Variants in DTD1 observed in about 807,000 individuals in gnomAD.
DTD1 encodes D-tyrosyl-tRNA deacylase 1 homolog.
In DTD1, 13 loss-of-function variants were observed where a neutral mutation model predicts 25.6. The observed-to-expected ratio is 0.51, with a 90% CI of 0.33 to 0.81. The LOEUF (loss-of-function observed/expected upper bound fraction) is 0.81. DTD1 is among the 30% of genes least tolerant of loss of function. The pLI, the probability that DTD1 is intolerant of heterozygous loss-of-function variation, is 0.02. For synonymous variants in DTD1, 110 were observed against 103.6 expected (o/e 1.06, Z -0.37); for missense variants, 193 against 266.4 (o/e 0.72, Z 1.92).
chr20:18,716,138 A>C (rs34478401), intron 4 of DTD1, among the ~76,000 whole-genome samples: 1 of 152,004 alleles, frequency 6.6e-6, no homozygotes, highest in African/African-American at 2.4e-5. Flanking sequence ...TTTTAGAGCC[A>C]TGTGTGTTTT....
chr20:18,696,961 A>G (rs893116157), intron 4 of DTD1, among the ~76,000 whole-genome samples: 33 of 150,910 alleles, frequency 2.2e-4, no homozygotes, highest in African/African-American at 7.5e-4. Context: ...AGCCAGGTGC[A>G]GTGGCTCATG....
intron 4 of DTD1, among the ~76,000 whole-genome samples, chr20:18,697,353 CAT>C (rs2061082099): frequency 6.6e-6 from 1 of 152,152 alleles, no homozygotes; most frequent in African/African-American, 2.4e-5. Flanking sequence ...CAGATATTCA[CAT>C]GTCCTTCTTA....
At chr20:18,676,568 A>G (rs745441175) in intron 4 of DTD1, among the ~76,000 whole-genome samples, 8 of 152,134 alleles carry the variant, frequency 5.3e-5, no homozygotes, top group Non-Finnish European at 1.0e-4. Context: ...TAAATTGGAA[A>G]ATTGACGGTT....
intron 4 of DTD1, among the ~76,000 whole-genome samples, chr20:18,714,259 A>G (rs945884906): frequency 6.6e-6 from 1 of 152,188 alleles, no homozygotes; most frequent in Non-Finnish European, 1.5e-5. Flanking sequence ...TTTGGACCAA[A>G]TAACCTTTTT....
intron 3 of DTD1, among the ~76,000 whole-genome samples, chr20:18,615,756 G>C (rs150356217): frequency 6.6e-6 from 1 of 152,258 alleles, no homozygotes; most frequent in East Asian, 1.9e-4. Flanking sequence ...CTGATTTGTT[G>C]TGGGCATCTA....
chr20:18,696,236 G>A (rs1055963246), intron 4 of DTD1, among the ~76,000 whole-genome samples: 8 of 152,006 alleles, frequency 5.3e-5, no homozygotes, highest in South Asian at 4.2e-4. Context: ...CTGCCTGTGC[G>A]TATTCCCCCA....
intron 4 of DTD1, among the ~76,000 whole-genome samples, chr20:18,636,008 T>C (rs1193246499): frequency 6.6e-6 from 1 of 152,212 alleles, no homozygotes; most frequent in African/African-American, 2.4e-5. Flanking sequence ...CAGAGCAAAA[T>C]ATCTGTTTTG....
At chr20:18,598,138 C>T (rs568355435) in intron 3 of DTD1, among the ~76,000 whole-genome samples, 42 of 152,144 alleles carry the variant, frequency 2.8e-4, no homozygotes, top group African/African-American at 9.2e-4. Context: ...CTAATGCTAT[C>T]CCTCCCCTAG....
chr20:18,654,831 G>A (rs1035230810), intron 4 of DTD1, among the ~76,000 whole-genome samples: 3 of 152,068 alleles, frequency 2.0e-5, no homozygotes, highest in Non-Finnish European at 4.4e-5. Flanking sequence ...AAAAGGTTAA[G>A]TTGGTAAGGG....
At chr20:18,672,966 G>C (rs550366150) in intron 4 of DTD1, among the ~76,000 whole-genome samples, 2 of 152,200 alleles carry the variant, frequency 1.3e-5, no homozygotes, top group African/African-American at 4.8e-5. Flanking sequence ...CTGTCGTCCA[G>C]CTGGGTTCTG....
intron 4 of DTD1, among the ~76,000 whole-genome samples, chr20:18,725,743 G>T (rs1015664447): frequency 6.6e-6 from 1 of 152,174 alleles, no homozygotes; most frequent in African/African-American, 2.4e-5. Context: ...CATTTCTCTG[G>T]ATGATGATGG....
chr20:18,702,666 G>T (rs930723931), intron 4 of DTD1, among the ~76,000 whole-genome samples: 5 of 147,296 alleles, frequency 3.4e-5, no homozygotes, highest in Non-Finnish European at 3.0e-5. Context: ...AAGAGAACAT[G>T]CCTGCCATAT....
At chr20:18,693,032 A>G (rs539729422) in intron 4 of DTD1, among the ~76,000 whole-genome samples, 2 of 151,842 alleles carry the variant, frequency 1.3e-5, no homozygotes, top group South Asian at 4.2e-4. Flanking sequence ...CTGGGATTAC[A>G]GGCGCGTGTC....
intron 4 of DTD1, among the ~76,000 whole-genome samples, chr20:18,731,121 C>G (rs962529165): frequency 6.6e-6 from 1 of 152,184 alleles, no homozygotes; most frequent in African/African-American, 2.4e-5. Flanking sequence ...CGATCCTTCC[C>G]TTATGTACTG....
intron 5 of DTD1, among the ~76,000 whole-genome samples, 194 bp from the exon 6 acceptor site, chr20:18,763,166 G>A (rs954325096): frequency 6.6e-6 from 1 of 152,142 alleles, no homozygotes; most frequent in African/African-American, 2.4e-5. Flanking sequence ...GACTCTTTGA[G>A]GAGAAGGTAT....
intron 4 of DTD1, among the ~76,000 whole-genome samples, chr20:18,729,431 C>T (rs1412036485): frequency 6.6e-6 from 1 of 152,140 alleles, no homozygotes; most frequent in Non-Finnish European, 1.5e-5. Context: ...AACCATGGCC[C>T]CGGGGTATTC....
chr20:18,688,868 A>G (rs1485517410), intron 4 of DTD1, among the ~76,000 whole-genome samples: 1 of 152,052 alleles, frequency 6.6e-6, no homozygotes, highest in Non-Finnish European at 1.5e-5. Flanking sequence ...TCTGATCCTC[A>G]TTCCCTGGGG....
chr20:18,660,462 C>A (rs994068919), intron 4 of DTD1, among the ~76,000 whole-genome samples: 3 of 152,138 alleles, frequency 2.0e-5, no homozygotes, highest in African/African-American at 7.2e-5. Context: ...CTCAAGTAAT[C>A]TGCCTGCCTT....
chr20:18,682,336 A>T (rs908624803), intron 4 of DTD1, among the ~76,000 whole-genome samples: 1 of 152,176 alleles, frequency 6.6e-6, no homozygotes, highest in South Asian at 2.1e-4. Context: ...ATTGTTGGAC[A>T]TTGTGCTGTA....
Sources: gnomAD v4.1 joint callset for allele counts (sites outside exome capture counted in the v4.1 genomes callset) on GRCh38, gnomAD v4.1.1 for gene constraint, MANE v1.5 for transcripts, NCBI Gene and HGNC (gene_info 2026-07-23, HGNC 2026-07-21) for gene names.